Variants in MYRIP observed in about 807,000 individuals in gnomAD.
The protein encoded by MYRIP is rab effector MyRIP.
In MYRIP, 49 loss-of-function variants were observed where a neutral mutation model predicts 98.0. That is an observed-to-expected ratio of 0.50 (90% CI 0.40 to 0.63). MYRIP has a LOEUF of 0.63. Ranked by LOEUF, MYRIP falls within the 30% of genes least tolerant of loss-of-function variation. MYRIP has a pLI of 0.00. For synonymous variants in MYRIP, 404 were observed against 409.5 expected (o/e 0.99, Z 0.16); for missense variants, 1,004 against 1,058.2 (o/e 0.95, Z 0.71).
chr3:40,229,259 C>T (rs144153482), intron 11 of MYRIP, among the ~76,000 whole-genome samples: 19 of 152,144 alleles, frequency 1.2e-4, no homozygotes, highest in South Asian at 4.1e-4. Flanking sequence ...CATTTTTATA[C>T]GGAGAGAAAG....
At position 40,190,445 on chromosome 3, in the gene MYRIP, G is replaced by A. The variant is rs763117405; in HGVS notation, c.1647G>A (p.Arg549=). The change falls in exon 10 of 17, where the codon CGG becomes CGA. Residue 549 remains arginine (R), a synonymous_variant. Transcript: ENST00000302541. The part of the protein sequence containing the change: ...KEPSSPSAQL[R]DLDTHQVSDD... ...CATCTTCCCCCAGCGCCCAGCTCCG[G>A]GATCTAGACACACATCAGGTAATGG... 4 of 1,595,972 alleles carry A rather than the reference G, an allele frequency of 2.5e-6. No homozygotes were observed. The East Asian group carries it at 9.0e-5, about 36-fold the overall frequency.
chr3:39,986,627 A>C (rs1043227520), intron 2 of MYRIP, among the ~76,000 whole-genome samples: 36 of 152,262 alleles, frequency 2.4e-4, no homozygotes, highest in African/African-American at 8.2e-4. Context: ...TTGCCAGTCC[A>C]GTGCACCCAT....
In MYRIP at chr3:40,192,328, C is replaced by CATATATATATGTCATAT. The variant is rs1559444976; in HGVS notation, c.1665+1875_1665+1876insGTCATATATATATATAT. On this transcript the variant is annotated intron_variant, in intron 10 of 16. Coordinates refer to ENST00000302541, the MANE Select transcript of MYRIP (RefSeq NM_015460.4). Reference sequence around the variant, plus strand: ...TTTCTTCATATATATATATATATGTCATATATATATATGTCATATATATAT... The same window carrying CATATATATATGTCATAT: ...TTTCTTCATATATATATATATATGTCATATATATATGTCATATATATATATATATGTCATATATATAT... 1.0e-3 allele frequency among the ~76,000 whole-genome samples: 38 copies of CATATATATATGTCATAT among 37,826 alleles called. 3 individuals carry two copies. The South Asian group carries it at 0.013, about 13-fold the overall frequency. 24.8% of individuals were successfully genotyped at this position (37,826 alleles called of 152,430 possible).
intron 1 of MYRIP, among the ~76,000 whole-genome samples, chr3:39,832,824 A>G (rs953438928): frequency 4.6e-5 from 7 of 152,204 alleles, no homozygotes; most frequent in African/African-American, 1.7e-4. Context: ...CTGAATATAT[A>G]TCTTTAGGAA....
intron 2 of MYRIP, among the ~76,000 whole-genome samples, chr3:39,915,578 A>G (rs1425548254): frequency 6.6e-6 from 1 of 152,014 alleles, no homozygotes; most frequent in African/African-American, 2.4e-5. Flanking sequence ...TACTAAAAGC[A>G]GTATCTTTTA....
At chr3:39,948,887 A>C (rs142306574) in intron 2 of MYRIP, among the ~76,000 whole-genome samples, 1 of 152,280 alleles carries the variant, frequency 6.6e-6, no homozygotes, top group East Asian at 1.9e-4. Context: ...AGACAAACAG[A>C]AGATCTCAAA....
chr3:40,102,329 G>A (rs1485108463), intron 3 of MYRIP, among the ~76,000 whole-genome samples: 1 of 152,198 alleles, frequency 6.6e-6, no homozygotes, highest in Non-Finnish European at 1.5e-5. Flanking sequence ...GTAACTGATG[G>A]TTGTAATTCC....
intron 3 of MYRIP, among the ~76,000 whole-genome samples, chr3:40,060,420 TTTC>T (rs1947982862): frequency 6.6e-6 from 1 of 152,190 alleles, no homozygotes; most frequent in Admixed American, 6.5e-5. Context: ...AGATTTTTTT[TTTC>T]TTATTTCAAA....
At chr3:40,219,371 C>T (rs1025432106) in intron 11 of MYRIP, among the ~76,000 whole-genome samples, 2 of 152,046 alleles carry the variant, frequency 1.3e-5, no homozygotes, top group Non-Finnish European at 2.9e-5. Context: ...TTTTAGGGTA[C>T]ATGTGCACAA....
At chr3:40,077,704 A>G (rs1024279193) in intron 3 of MYRIP, among the ~76,000 whole-genome samples, 7 of 152,360 alleles carry the variant, frequency 4.6e-5, no homozygotes, top group African/African-American at 1.2e-4. Flanking sequence ...GCCCCACCAC[A>G]GTAGCTAGAT....
At chr3:40,103,121 C>G (rs1948980265) in intron 3 of MYRIP, among the ~76,000 whole-genome samples, 1 of 152,046 alleles carries the variant, frequency 6.6e-6, no homozygotes, top group African/African-American at 2.4e-5. Flanking sequence ...AACCCCTGAA[C>G]ATCACATTCA....
intron 2 of MYRIP, among the ~76,000 whole-genome samples, chr3:40,001,364 A>G (rs1470414442): frequency 3.9e-5 from 6 of 152,226 alleles, no homozygotes; most frequent in Non-Finnish European, 7.3e-5. Context: ...AGACAGTTCT[A>G]TAAAACAAGA....
At chr3:40,121,642 C>A (rs1429093277) in intron 3 of MYRIP, among the ~76,000 whole-genome samples, 1 of 152,134 alleles carries the variant, frequency 6.6e-6, no homozygotes, top group Non-Finnish European at 1.5e-5. Flanking sequence ...CACCAGGTGC[C>A]CCACTGGTGC....
At chr3:39,827,306 C>A (rs1018860202) in intron 1 of MYRIP, among the ~76,000 whole-genome samples, 1 of 151,994 alleles carries the variant, frequency 6.6e-6, no homozygotes, top group African/African-American at 2.4e-5. Flanking sequence ...AGAGATGGGG[C>A]CTTACTGTGT....
At chr3:39,874,920 C>A (rs1942936272) in intron 1 of MYRIP, among the ~76,000 whole-genome samples, 1 of 152,148 alleles carries the variant, frequency 6.6e-6, no homozygotes, top group Non-Finnish European at 1.5e-5. Context: ...GGAATGGTAC[C>A]AGTTCCTCCT....
At chr3:40,161,060 GA>G (rs1950382412) in intron 4 of MYRIP, among the ~76,000 whole-genome samples, 1 of 152,144 alleles carries the variant, frequency 6.6e-6, no homozygotes, top group Non-Finnish European at 1.5e-5. Flanking sequence ...CATGATTCTT[GA>G]AAAGGTCTGT....
chr3:40,171,805 G>A (rs1950621957), intron 8 of MYRIP, among the ~76,000 whole-genome samples: 1 of 152,220 alleles, frequency 6.6e-6, no homozygotes, highest in Non-Finnish European at 1.5e-5. Context: ...CTAGGTGCTT[G>A]TATTGGTTTG....
At chr3:40,170,552 A>G (rs1217128531) in intron 8 of MYRIP, among the ~76,000 whole-genome samples, 1 of 152,212 alleles carries the variant, frequency 6.6e-6, no homozygotes, top group Non-Finnish European at 1.5e-5. Context: ...TGTGGAGCCA[A>G]CCTTTCTGTC....
At chr3:40,209,258 A>T (rs1951857420) in intron 10 of MYRIP, 1 of 152,408 alleles carries the variant, frequency 6.6e-6, no homozygotes, top group Non-Finnish European at 1.5e-5. Flanking sequence ...ATGTCTGTGA[A>T]TAGCTACTGC....
Sources: gnomAD v4.1 joint callset for allele counts (sites outside exome capture counted in the v4.1 genomes callset) on GRCh38, gnomAD v4.1.1 for gene constraint, MANE v1.5 for transcripts, NCBI Gene and HGNC (gene_info 2026-07-23, HGNC 2026-07-21) for gene names.